WWC2: variants seen among roughly 807,000 people sequenced by gnomAD.
WWC2 encodes the protein protein WWC2.
WWC2 carries 101 observed loss-of-function variants against 138.5 expected under a neutral mutation model. The ratio of observed to expected loss-of-function variants is 0.73; its 90% CI spans 0.62 to 0.86. The LOEUF (loss-of-function observed/expected upper bound fraction) is 0.86, where lower values mean the gene tolerates loss of function less well. WWC2 is among the 40% of genes least tolerant of loss of function. WWC2 has a pLI of 0.00. For synonymous variants in WWC2, 558 were observed against 538.4 expected, an observed-to-expected ratio of 1.04 and a Z score of -0.50; for missense variants, 1,420 against 1,419.4, an observed-to-expected ratio of 1.00 and a Z score of -0.01.
At chr4:183,207,890 A>G in intron 2 of WWC2, 63 bp from the exon 3 acceptor site, 1 of 1,453,774 alleles carries the variant, frequency 6.9e-7, no homozygotes, top group African/African-American at 1.4e-5. Flanking sequence ...TACTCCCTAA[A>G]GCTTAAACAA....
chr4:183,190,974 A>C (rs1016111336), intron 1 of WWC2, among the ~76,000 whole-genome samples: 1 of 152,112 alleles, frequency 6.6e-6, no homozygotes, highest in Non-Finnish European at 1.5e-5. Context: ...ACTTAAACTT[A>C]CCGTTCTCGT....
At chr4:183,131,970 C>T (rs186159438) in intron 1 of WWC2, among the ~76,000 whole-genome samples, 89 of 152,278 alleles carry the variant, frequency 5.8e-4, no homozygotes, top group African/African-American at 2.0e-3. Context: ...TCTTCCACAC[C>T]AGTTTCTTCT....
At chr4:183,261,598 T>C in intron 11 of WWC2, 66 bp downstream of exon 11, 1 of 1,472,296 alleles carries the variant, frequency 6.8e-7, no homozygotes, top group Non-Finnish European at 9.0e-7. Context: ...ATTGGAGCAT[T>C]ATTTTTCCAT....
intron 11 of WWC2, among the ~76,000 whole-genome samples, chr4:183,264,660 A>C (rs546383371): frequency 1.3e-5 from 2 of 152,154 alleles, no homozygotes; most frequent in South Asian, 4.2e-4. Flanking sequence ...GAATATATGA[A>C]CACTGCAGTG....
rs760401865 is a variant in WWC2, at chr4:183,245,422, T to TA, written c.616dup (p.Met206AsnfsTer9). ...TCTTTTTCTCTTTTCACAGAATTGA[T>TA]AAAAAAATGTCTGGAGGCCAGAGCG... On this transcript the variant is annotated frameshift_variant, in exon 6 of 23. Coordinates refer to ENST00000403733, the MANE Select transcript of WWC2 (RefSeq NM_024949.6). LOFTEE classifies it high-confidence loss of function. The TA allele has an allele frequency of 2.1e-5, 32 of 1,553,864 alleles. No individual in the cohort carries two copies. Among genetic ancestry groups the TA allele is most frequent in the African/African-American group, 4.2e-5 (3 of 71,062 alleles).
At chr4:183,213,739 C>A (rs1443767871) in intron 4 of WWC2, among the ~76,000 whole-genome samples, 1 of 151,982 alleles carries the variant, frequency 6.6e-6, no homozygotes. Context: ...TATTAAGATA[C>A]TCTTAACTTT....
chr4:183,158,825 T>TG (rs1330717704), intron 1 of WWC2, among the ~76,000 whole-genome samples: 1 of 152,184 alleles, frequency 6.6e-6, no homozygotes, highest in Non-Finnish European at 1.5e-5. Context: ...AGTTTGCTTG[T>TG]GGGAGTGGGC....
chr4:183,133,774 C>T (rs748941038), intron 1 of WWC2, among the ~76,000 whole-genome samples: 8 of 152,206 alleles, frequency 5.3e-5, no homozygotes, highest in East Asian at 1.9e-4. Flanking sequence ...GGATTACAGG[C>T]GTGAGCCACC....
chr4:183,224,822 A>G (rs1382638133), intron 4 of WWC2, among the ~76,000 whole-genome samples: 1 of 152,164 alleles, frequency 6.6e-6, no homozygotes, highest in African/African-American at 2.4e-5. Context: ...CAGCCTCTCA[A>G]AGTTCTGGGA....
At chr4:183,293,147 G>GT (rs1279706386) in intron 21 of WWC2, among the ~76,000 whole-genome samples, 3 of 152,144 alleles carry the variant, frequency 2.0e-5, no homozygotes, top group African/African-American at 7.2e-5. Context: ...TAGAGACAGG[G>GT]TTTTGCCATG....
At chr4:183,248,887 C>G in intron 7 of WWC2, 27 bp downstream of exon 7, 2 of 1,544,302 alleles carry the variant, frequency 1.3e-6, no homozygotes, top group Non-Finnish European at 8.8e-7. Flanking sequence ...GAAGAGTTGG[C>G]CCAGTGTTGT....
chr4:183,286,937 G>A (rs1023284813), intron 20 of WWC2, among the ~76,000 whole-genome samples: 7 of 152,158 alleles, frequency 4.6e-5, no homozygotes, highest in African/African-American at 1.7e-4. Context: ...GAAAATGGTA[G>A]CTTTGGGGCA....
At chr4:183,266,904 T>C (rs112723514) in intron 14 of WWC2, among the ~76,000 whole-genome samples, 6,397 of 152,288 alleles carry the variant, frequency 0.042, 157 homozygotes, top group Non-Finnish European at 0.062. Context: ...ATGTTTTTCC[T>C]ACAGAGTTGC....
intron 1 of WWC2, among the ~76,000 whole-genome samples, chr4:183,144,098 G>A (rs1353066626): frequency 1.3e-5 from 2 of 152,176 alleles, no homozygotes; most frequent in Admixed American, 6.5e-5. Context: ...TATTTCAGAA[G>A]CCTGTTTAAA....
intron 21 of WWC2, among the ~76,000 whole-genome samples, chr4:183,307,836 G>A (rs1263644585): frequency 6.6e-6 from 1 of 152,142 alleles, no homozygotes; most frequent in Non-Finnish European, 1.5e-5. Flanking sequence ...CTTCTTTTCT[G>A]TATCACACTG....
At chr4:183,103,082 A>G (rs909962504) in intron 1 of WWC2, among the ~76,000 whole-genome samples, 1 of 152,068 alleles carries the variant, frequency 6.6e-6, no homozygotes, top group Middle Eastern at 3.2e-3. Flanking sequence ...TTGAACTGAA[A>G]GATTTCACAC....
In WWC2 at chr4:183,269,052, C is replaced by A. The variant is rs902844693; in HGVS notation, c.2289C>A (p.Ser763=). 1.2e-6 allele frequency: 2 copies of A among 1,613,940 alleles called. No individual in the cohort carries two copies. Among genetic ancestry groups the A allele is most frequent in the Non-Finnish European group, 1.7e-6 (2 of 1,179,878 alleles). ...CAAAAGTTCATCCGCCCACAGAATCCATTTTATTCAATGATGTGTTCAGAG... is the reference window on the plus strand; with the variant it reads ...CAAAAGTTCATCCGCCCACAGAATCAATTTTATTCAATGATGTGTTCAGAG... ...FRTKVHPPTE[S]ILFNDVFRVA... is the part of the protein sequence containing the mutation. The change falls in exon 15 of 23, where the codon TCC becomes TCA. Residue 763 remains serine (S), a synonymous_variant. Transcript: ENST00000403733.
At chr4:183,113,528 G>T (rs199645335) in intron 1 of WWC2, among the ~76,000 whole-genome samples, 1 of 148,456 alleles carries the variant, frequency 6.7e-6, no homozygotes, top group Admixed American at 6.6e-5. Context: ...GCGCGCGTGC[G>T]CGCGCACATG....
At chr4:183,173,164 C>T (rs1250339331) in intron 1 of WWC2, among the ~76,000 whole-genome samples, 2 of 152,204 alleles carry the variant, frequency 1.3e-5, no homozygotes, top group East Asian at 1.9e-4. Context: ...CCCACCTCAT[C>T]CTCCTGAGTA....
Sources: gnomAD v4.1 joint callset for allele counts (sites outside exome capture counted in the v4.1 genomes callset) on GRCh38, gnomAD v4.1.1 for gene constraint, MANE v1.5 for transcripts, NCBI Gene and HGNC (gene_info 2026-07-23, HGNC 2026-07-21) for gene names.